MEGF9: variants seen among roughly 807,000 people sequenced by gnomAD.
MEGF9 encodes multiple epidermal growth factor-like domains protein 9.
MEGF9 carries 6 observed loss-of-function variants against 46.8 expected under a neutral mutation model. The observed-to-expected ratio is 0.13, with a 90% CI of 0.07 to 0.25. The LOEUF (loss-of-function observed/expected upper bound fraction) is 0.25. MEGF9 is among the 10% of genes least tolerant of loss of function. The pLI, the probability that MEGF9 is intolerant of heterozygous loss-of-function variation, is 1.00. For synonymous variants in MEGF9, 302 were observed against 330.7 expected (o/e 0.91, Z 0.94); for missense variants, 683 against 792.4 (o/e 0.86, Z 1.66).
At chr9:120,647,935 TTCTC>T (rs1221588156) in intron 2 of MEGF9, among the ~76,000 whole-genome samples, 1 of 151,170 alleles carries the variant, frequency 6.6e-6, no homozygotes, top group Non-Finnish European at 1.5e-5. Flanking sequence ...CTCTTTCTCT[TTCTC>T]TCTCTCTCCA....
intron 4 of MEGF9, among the ~76,000 whole-genome samples, chr9:120,611,166 C>T (rs2043443198): frequency 6.6e-6 from 1 of 152,080 alleles, no homozygotes. Flanking sequence ...AAATGGTGTA[C>T]TCATTTTGGA....
intron 1 of MEGF9, among the ~76,000 whole-genome samples, chr9:120,696,606 T>C (rs2043878407): frequency 6.6e-6 from 1 of 152,172 alleles, no homozygotes; most frequent in Non-Finnish European, 1.5e-5. Flanking sequence ...AGCATAGTAT[T>C]TGAAGGAAAA....
At chr9:120,708,638 T>C (rs962546408) in intron 1 of MEGF9, among the ~76,000 whole-genome samples, 4 of 152,226 alleles carry the variant, frequency 2.6e-5, no homozygotes, top group African/African-American at 7.2e-5. Context: ...ATCTTCCAAA[T>C]TGTTTTATCA....
intron 1 of MEGF9, among the ~76,000 whole-genome samples, chr9:120,670,260 C>T (rs1161139828): frequency 2.0e-5 from 3 of 152,104 alleles, no homozygotes; most frequent in Non-Finnish European, 4.4e-5. Context: ...CTATGCCTGG[C>T]TAATTTTTGT....
chr9:120,677,065 G>A (rs2043776230), intron 1 of MEGF9, among the ~76,000 whole-genome samples: 1 of 152,058 alleles, frequency 6.6e-6, no homozygotes, highest in Non-Finnish European at 1.5e-5. Context: ...GCAAAAAGAA[G>A]AAGAAATTCT....
At chr9:120,686,353 C>T (rs990763405) in intron 1 of MEGF9, among the ~76,000 whole-genome samples, 1 of 152,198 alleles carries the variant, frequency 6.6e-6, no homozygotes, top group Non-Finnish European at 1.5e-5. Context: ...GCTGGGATTA[C>T]AATCGTGAGC....
chr9:120,678,725 C>T (rs911033779), intron 1 of MEGF9, among the ~76,000 whole-genome samples: 2 of 152,202 alleles, frequency 1.3e-5, no homozygotes, highest in African/African-American at 4.8e-5. Context: ...CCACCTGCCT[C>T]GGCCTCCCAA....
intron 3 of MEGF9, among the ~76,000 whole-genome samples, chr9:120,621,484 AT>A (rs1251966046): frequency 6.6e-6 from 1 of 152,066 alleles, no homozygotes; most frequent in East Asian, 1.9e-4. Flanking sequence ...CACATGTTGT[AT>A]TTTTCAGTTC....
At chr9:120,651,799 C>A (rs1231003248) in intron 2 of MEGF9, among the ~76,000 whole-genome samples, 1 of 151,284 alleles carries the variant, frequency 6.6e-6, no homozygotes, top group Non-Finnish European at 1.5e-5. Flanking sequence ...ATTACAGGCA[C>A]CCGCCAGCAT....
At position 120,601,763 on chromosome 9, in the gene MEGF9, C is replaced by A. The variant is rs1474152426; in HGVS notation, c.*3427G>T. The A allele has an allele frequency of 6.6e-6, 1 of 151,978 alleles. No homozygotes were observed. Among genetic ancestry groups the A allele is most frequent in the Admixed American group, 6.6e-5 (1 of 15,246 alleles). The allele number at this position is 151,978 out of a possible 1,614,324, so 9.4% of individuals were successfully genotyped here. ...TGGAGAAATTCCATTAATAAAAGAA[C>A]CCTAGGGGATAGAGGGTAGAGGGAG... On this transcript the variant is annotated 3_prime_UTR_variant, in exon 6 of 6. Transcript: ENST00000373930.
chr9:120,613,431 A>G (rs2132299770), intron 3 of MEGF9, among the ~76,000 whole-genome samples: 1 of 152,222 alleles, frequency 6.6e-6, no homozygotes, highest in African/African-American at 2.4e-5. Flanking sequence ...AGATGTAACT[A>G]TATACATATA....
At chr9:120,643,770 C>G (rs1451705037) in intron 2 of MEGF9, among the ~76,000 whole-genome samples, 1 of 151,410 alleles carries the variant, frequency 6.6e-6, no homozygotes, top group Non-Finnish European at 1.5e-5. Flanking sequence ...TCATGGCTCA[C>G]TATAGCCTTG....
chr9:120,675,306 G>A (rs1310448792), intron 1 of MEGF9, among the ~76,000 whole-genome samples: 1 of 152,054 alleles, frequency 6.6e-6, no homozygotes, highest in Non-Finnish European at 1.5e-5. Context: ...ACCTAGTCTG[G>A]CTAGGTGCAG....
At chr9:120,675,887 C>CAAAAAAAAAAA (rs1173047863) in intron 1 of MEGF9, among the ~76,000 whole-genome samples, 1 of 58,170 alleles carries the variant, frequency 1.7e-5, no homozygotes. Flanking sequence ...GACTCCATCT[C>CAAAAAAAAAAA]AAAAAAAAAA....
At chr9:120,607,683 C>G in intron 5 of MEGF9, 58 bp downstream of exon 5, 1 of 1,568,302 alleles carries the variant, frequency 6.4e-7, no homozygotes, top group Non-Finnish European at 8.8e-7. Context: ...ACAAAGCCTT[C>G]CATTTTTCAC....
intron 1 of MEGF9, 57 bp from the exon 2 acceptor site, chr9:120,659,632 A>C (rs1051693750): frequency 7.7e-7 from 1 of 1,297,358 alleles, no homozygotes; most frequent in South Asian, 1.4e-5. Context: ...CCCTCTTAAT[A>C]AAATGAACTC....
intron 2 of MEGF9, among the ~76,000 whole-genome samples, chr9:120,641,074 T>C (rs576976263): frequency 6.6e-6 from 1 of 152,346 alleles, no homozygotes; most frequent in South Asian, 2.1e-4. Context: ...TTCCATGGTG[T>C]ATATGTACCA....
chr9:120,687,670 CTGTGTGTGTGTGTGTG>C (rs71385077), intron 1 of MEGF9, among the ~76,000 whole-genome samples: 5 of 141,988 alleles, frequency 3.5e-5, no homozygotes, highest in African/African-American at 7.9e-5. Flanking sequence ...GAACACAACA[CTGTGTGTGTGTGTGTG>C]TGTGTGTGTG....
chr9:120,608,997 C>T (rs911550890), intron 4 of MEGF9, among the ~76,000 whole-genome samples: 1 of 152,296 alleles, frequency 6.6e-6, no homozygotes, highest in South Asian at 2.1e-4. Flanking sequence ...TATCACAATG[C>T]ACCCCTACAT....
Sources: gnomAD v4.1 joint callset for allele counts (sites outside exome capture counted in the v4.1 genomes callset) on GRCh38, gnomAD v4.1.1 for gene constraint, MANE v1.5 for transcripts, NCBI Gene and HGNC (gene_info 2026-07-23, HGNC 2026-07-21) for gene names.